FGD4: variants seen among roughly 807,000 people sequenced by gnomAD.
FGD4 encodes FYVE, RhoGEF and PH domain-containing protein 4.
A neutral mutation model predicts 102.0 loss-of-function variants in FGD4; 42 were observed. That is an observed-to-expected ratio of 0.41 (90% CI 0.32 to 0.53). The LOEUF is 0.53. FGD4 is among the 20% of genes least tolerant of loss of function. The pLI, the probability that FGD4 is intolerant of heterozygous loss-of-function variation, is 0.21. For missense variants in FGD4, 902 were observed against 1,078.2 expected (o/e 0.84, Z 2.29); for synonymous variants, 380 against 375.7 (o/e 1.01, Z -0.13).
intron 1 of FGD4, among the ~76,000 whole-genome samples, chr12:32,453,214 ATATATAATATAGATATATATATATTTTT>A: frequency 1.9e-5 from 1 of 52,140 alleles, no homozygotes; most frequent in Non-Finnish European, 4.4e-5. Context: ...ATATATATAT[ATATATAATATAGATATATATATATTTTT>A]TTTTTTTTAA....
At chr12:32,524,807 G>C (rs1021812513) in intron 1 of FGD4, among the ~76,000 whole-genome samples, 1 of 147,974 alleles carries the variant, frequency 6.8e-6, no homozygotes, top group Non-Finnish European at 1.5e-5. Flanking sequence ...CTGGGTGACA[G>C]AGTGAGACAC....
chr12:32,450,817 G>GT, intron 1 of FGD4, among the ~76,000 whole-genome samples: 1 of 152,144 alleles, frequency 6.6e-6, no homozygotes, highest in Admixed American at 6.5e-5. Flanking sequence ...TTTCTCCCTT[G>GT]CCCCATTTGT....
At chr12:32,432,936 A>G (rs1405410185) in intron 1 of FGD4, among the ~76,000 whole-genome samples, 1 of 152,140 alleles carries the variant, frequency 6.6e-6, no homozygotes, top group East Asian at 1.9e-4. Context: ...TAGAAACTTT[A>G]TCACCTTCTT....
chr12:32,466,369 T>A (rs73090138), intron 1 of FGD4, among the ~76,000 whole-genome samples: 28,337 of 151,946 alleles, frequency 0.19, 3,281 homozygotes, highest in East Asian at 0.28. Flanking sequence ...GTTGGCAGGC[T>A]CAAGTCCCAG....
intron 1 of FGD4, among the ~76,000 whole-genome samples, chr12:32,527,034 G>T (rs780228920): frequency 1.3e-5 from 2 of 152,074 alleles, no homozygotes; most frequent in African/African-American, 2.4e-5. Context: ...AGGGCAGAGA[G>T]GATATATATT....
intron 1 of FGD4, among the ~76,000 whole-genome samples, chr12:32,404,785 A>G (rs1446530920): frequency 6.6e-6 from 1 of 152,196 alleles, no homozygotes; most frequent in Non-Finnish European, 1.5e-5. Flanking sequence ...CTAAACAAGT[A>G]AAGATTTACA....
chr12:32,407,389 G>A (rs1388585431), intron 1 of FGD4, among the ~76,000 whole-genome samples: 1 of 152,056 alleles, frequency 6.6e-6, no homozygotes, highest in African/African-American at 2.4e-5. Flanking sequence ...GCCTCCCAAA[G>A]TGCTGGGATT....
chr12:32,481,127 C>CA (rs1157108520), intron 1 of FGD4, among the ~76,000 whole-genome samples: 3,067 of 27,206 alleles, frequency 0.11, 965 homozygotes, highest in Middle Eastern at 0.23. Context: ...GACTCCGTCT[C>CA]AAAAAAAAAA....
In FGD4 at chr12:32,610,708, T is replaced by C. The variant is rs1949083915; in HGVS notation, c.1544-68T>C. 2.1e-6 allele frequency: 3 copies of C among 1,401,872 alleles called. No homozygotes were observed. In the South Asian group the frequency reaches 3.5e-5, roughly 17 times the overall value. The allele number at this position is 1,401,872 out of a possible 1,614,324, so 86.8% of individuals were successfully genotyped here. A position where few individuals can be genotyped will look rare whatever the true frequency, so the allele number is the denominator to read the frequency against. ...TCTCAGACTTCTTAATTTAGTAAGT[T>C]ACTCAGCTATATAGAAGCACAGGAA... On this transcript the variant is annotated intron_variant, in intron 8 of 16. Transcript: ENST00000534526.
rs564509994 is a variant in FGD4, at chr12:32,544,288, G to A, written c.167-19849G>A. ...CTACAAAAAATGCAAAAATGAGCTG[G>A]GCGTGGTGGTGGGTACCTGTAATCC... On this transcript the variant is annotated intron_variant, in intron 1 of 16. Coordinates refer to ENST00000534526, the MANE Select transcript of FGD4 (RefSeq NM_001370298.3). The surrounding 1 kb of genome is among the most constrained non-coding windows in gnomAD (Gnocchi z 4.1). Among the ~76,000 whole-genome samples, 28 of 152,128 alleles carry A rather than the reference G, an allele frequency of 1.8e-4. No homozygotes were observed. Among genetic ancestry groups the A allele is most frequent in the South Asian group, 2.1e-4 (1 of 4,828 alleles).
chr12:32,444,550 G>A lies in FGD4; in HGVS notation c.166+44591G>A, dbSNP rs376224172. 1.2e-3 allele frequency among the ~76,000 whole-genome samples: 175 copies of A among 151,958 alleles called. 1 individual carries two copies. The highest frequency in any genetic ancestry group is 3.8e-3 in the African/African-American group (157 of 41,492). ...CTCCCGAGTAACTGGGATTACAGGC[G>A]CCCATCACCACACCCAGCTAATTTT... On this transcript the variant is annotated intron_variant, in intron 1 of 16. Coordinates refer to ENST00000534526, the MANE Select transcript of FGD4 (RefSeq NM_001370298.3).
chr12:32,474,224 A>G (rs1475854548), intron 1 of FGD4, among the ~76,000 whole-genome samples: 3 of 152,350 alleles, frequency 2.0e-5, no homozygotes, highest in East Asian at 3.9e-4. Context: ...TAGAGTTGCC[A>G]TATGACCCAG....
Position 32,402,148 on chromosome 12 carries a change from A to T in FGD4, c.166+2189A>T, listed in dbSNP as rs1406181118. Among the ~76,000 whole-genome samples, 4 of 122,856 alleles carry T rather than the reference A, an allele frequency of 3.3e-5. No homozygotes were observed. In the East Asian group the frequency reaches 9.5e-4, roughly 29 times the overall value. 80.6% of individuals were successfully genotyped at this position (122,856 alleles called of 152,430 possible). A position where few individuals can be genotyped will look rare whatever the true frequency, so the allele number is the denominator to read the frequency against. ...TTTTTTTTTTTTTTTTTTTTTTTTA[A>T]AGAGACGGGATTGCTTGGCACGGGG... On this transcript the variant is annotated intron_variant, in intron 1 of 16. Coordinates refer to ENST00000534526, the MANE Select transcript of FGD4 (RefSeq NM_001370298.3).
intron 1 of FGD4, among the ~76,000 whole-genome samples, chr12:32,468,951 G>A (rs1392394524): frequency 2.6e-5 from 4 of 151,164 alleles, no homozygotes; most frequent in African/African-American, 4.9e-5. Context: ...TCAGCCTCCC[G>A]AGTAGCTGGG....
intron 3 of FGD4, among the ~76,000 whole-genome samples, chr12:32,579,061 T>TTTTTTC (rs1308959303): frequency 2.7e-5 from 4 of 147,044 alleles, no homozygotes; most frequent in Non-Finnish European, 6.0e-5. Flanking sequence ...TTTTTTTTTT[T>TTTTTTC]TTGAGACAGA....
chr12:32,601,296 T>G lies in FGD4; in HGVS notation c.1120T>G (p.Leu374Val). ...LLDQVFYCKLLEEANRGSFPA... is the reference protein window; with the variant it reads ...LLDQVFYCKLVEEANRGSFPA... ...TATTCAGGTATTTTATTGCAAACTGTTGGAAGAAGCAAACCGAGGCTCGTT... is the reference window on the plus strand; with the variant it reads ...TATTCAGGTATTTTATTGCAAACTGGTGGAAGAAGCAAACCGAGGCTCGTT... Residue 374 changes from leucine to valine, a missense_variant, in exon 6 of 17, where the codon TTG becomes GTG. Physicochemically the swap from Leu to Val is conservative, Grantham distance 32. This residue lies in a region of FGD4 where 443 missense variants were observed against 459.2 expected (regional missense o/e 0.96). Transcript: ENST00000534526. 1 of 1,614,130 alleles carries G rather than the reference T, an allele frequency of 6.2e-7. No homozygotes were observed.
chr12:32,615,128 A>G (rs1363813621), intron 10 of FGD4, among the ~76,000 whole-genome samples: 1 of 152,222 alleles, frequency 6.6e-6, no homozygotes, highest in Non-Finnish European at 1.5e-5. Flanking sequence ...ATGCAATGAA[A>G]TAGTATATGT....
At chr12:32,624,502 GTC>G in intron 12 of FGD4, 50 bp downstream of exon 12, 1 of 1,445,426 alleles carries the variant, frequency 6.9e-7, no homozygotes, top group Non-Finnish European at 9.5e-7. Flanking sequence ...TTGAGGCAGA[GTC>G]TCACTCTCAC....
intron 4 of FGD4, among the ~76,000 whole-genome samples, chr12:32,591,189 C>G (rs1947448699): frequency 6.6e-6 from 1 of 152,068 alleles, no homozygotes; most frequent in Non-Finnish European, 1.5e-5. Flanking sequence ...AATTATCTAA[C>G]TGACAGCAGA....
Sources: gnomAD v4.1 joint callset for allele counts (sites outside exome capture counted in the v4.1 genomes callset) on GRCh38, gnomAD v4.1.1 for gene constraint, gnomAD v4.1.1 regional missense constraint, Gnocchi (gnomAD v3.1) non-coding constraint, MANE v1.5 for transcripts, NCBI Gene and HGNC (gene_info 2026-07-23, HGNC 2026-07-21) for gene names.